The following CHID1 variants were observed in gnomAD, a reference collection of about 807,000 sequenced individuals.
The protein encoded by CHID1 is chitinase domain containing 1, also known as chitinase domain-containing protein 1.
Under a neutral mutation model 55.4 loss-of-function variants are expected in CHID1, and 44 were observed. The observed-to-expected ratio is 0.79, with a 90% confidence interval of 0.62 to 1.02. The LOEUF is 1.02. Among genes scored for constraint, CHID1 ranks in the 50% least tolerant of loss-of-function variants. The pLI is 0.00. For missense variants in CHID1, 491 were observed against 515.3 expected (o/e 0.95, Z 0.46); for synonymous variants, 216 against 212.9 (o/e 1.01, Z -0.13).
intron 10 of CHID1, among the ~76,000 whole-genome samples, chr11:871,664 C>A (rs1204798865): frequency 6.6e-6 from 1 of 152,150 alleles, no homozygotes; most frequent in Non-Finnish European, 1.5e-5. Flanking sequence ...GGAGGCCTGG[C>A]GTGGGGCCTA....
chr11:877,167 G>A (rs1849575676), intron 10 of CHID1, among the ~76,000 whole-genome samples: 1 of 152,156 alleles, frequency 6.6e-6, no homozygotes, highest in South Asian at 2.1e-4. Flanking sequence ...ACCCCCACAC[G>A]CTCACATACA....
chr11:909,268 CTG>C (rs1397426760), intron 1 of CHID1, among the ~76,000 whole-genome samples: 1 of 152,254 alleles, frequency 6.6e-6, no homozygotes, highest in East Asian at 1.9e-4. Context: ...TTCACACACA[CTG>C]TGTTCCTGCA....
intron 4 of CHID1, 89 bp downstream of exon 4, chr11:902,109 T>C (rs745477643): frequency 1.3e-6 from 2 of 1,499,298 alleles, no homozygotes; most frequent in East Asian, 4.6e-5. Context: ...CACAGAGACA[T>C]ACCTACTCAC....
intron 8 of CHID1, among the ~76,000 whole-genome samples, chr11:885,394 G>GA (rs1040093350): frequency 5.3e-5 from 8 of 152,168 alleles, no homozygotes; most frequent in African/African-American, 1.9e-4. Flanking sequence ...TGAGCACAAT[G>GA]AGAGGCCCAG....
At position 893,418 on chromosome 11, in the gene CHID1, G is replaced by A. The variant is rs573439363; in HGVS notation, c.701+9C>T. 2.2e-5 allele frequency: 34 copies of A among 1,547,380 alleles called. No individual in the cohort carries two copies. Among genetic ancestry groups the A allele is most frequent in the South Asian group, 1.3e-4 (11 of 83,792 alleles). On this transcript the variant is annotated intron_variant, in intron 8 of 12. Transcript: ENST00000323578. ...ACAGCCACCCCCACATCTCAAGAGC[G>A]GCACTTACCCGGGGGTGATGGCAGG... is the stretch of plus-strand genomic sequence containing the variant.
intron 6 of CHID1, among the ~76,000 whole-genome samples, chr11:899,614 C>T (rs920239214): frequency 5.3e-5 from 8 of 152,194 alleles, no homozygotes; most frequent in Non-Finnish European, 1.0e-4. Flanking sequence ...CCAGTGGTCT[C>T]GTGCATTCTG....
Position 868,780 on chromosome 11 carries a change from CCT to C in CHID1, c.*1076_*1077del, listed in dbSNP as rs2134090550. The C allele has an allele frequency of 6.6e-6, 1 of 152,448 alleles. No individual in the cohort carries two copies. Among genetic ancestry groups the C allele is most frequent in the South Asian group, 2.1e-4 (1 of 4,812 alleles). 9.4% of individuals were successfully genotyped at this position (152,448 alleles called of 1,614,324 possible). On this transcript the variant is annotated 3_prime_UTR_variant, in exon 13 of 13. Coordinates refer to ENST00000323578, the MANE Select transcript of CHID1 (RefSeq NM_023947.4). ...CTCTAAACCAGAACCCAGTGCCCAC[CCT>C]GTCCTCACCGTCCTCACCCCACGGC...
intron 2 of CHID1, chr11:903,722 G>C (rs911682411): frequency 4.5e-6 from 1 of 221,048 alleles, no homozygotes; most frequent in Non-Finnish European, 9.3e-6. Context: ...CAGAGGTTGC[G>C]GTGAGCCAAG....
chr11:910,897 G>C (rs1481784658), upstream of CHID1: 1 of 1,009,710 alleles, frequency 9.9e-7, no homozygotes, highest in Non-Finnish European at 1.2e-6. Context: ...ATGGAGAGGG[G>C]CTGGGCCAGG....
At chr11:914,741 T>G, upstream of CHID1, 1 of 348,680 alleles carries the variant, frequency 2.9e-6, no homozygotes, top group Non-Finnish European at 5.5e-6. Context: ...AAAAAATTAC[T>G]CACACCTGGT....
intron 7 of CHID1, among the ~76,000 whole-genome samples, chr11:894,044 C>T (rs1451427074): frequency 7.1e-6 from 1 of 141,710 alleles, no homozygotes; most frequent in African/African-American, 2.6e-5. Flanking sequence ...ATTACTTGAA[C>T]CCAGGAGGTG....
intron 5 of CHID1, 129 bp downstream of exon 5, chr11:900,807 G>A (rs1851748592): frequency 5.5e-6 from 4 of 725,616 alleles, no homozygotes; most frequent in Non-Finnish European, 8.8e-6. Context: ...TCATCTCTGA[G>A]CGGTCAAAGT....
chr11:877,328 G>A (rs903263560), intron 10 of CHID1, among the ~76,000 whole-genome samples: 1 of 152,212 alleles, frequency 6.6e-6, no homozygotes, highest in African/African-American at 2.4e-5. Flanking sequence ...GGAGTGCAGT[G>A]CAGTCTCCAC....
intron 9 of CHID1, among the ~76,000 whole-genome samples, chr11:883,560 G>A (rs192721576): frequency 1.3e-5 from 2 of 151,558 alleles, no homozygotes; most frequent in Admixed American, 1.3e-4. Flanking sequence ...CCAGGGCCAG[G>A]ATCACCCATC....
At chr11:907,443 T>C (rs376978075) in intron 1 of CHID1, among the ~76,000 whole-genome samples, 1 of 151,312 alleles carries the variant, frequency 6.6e-6, no homozygotes, top group Admixed American at 6.6e-5. Context: ...ATAGTGCCAG[T>C]GCACTCCAGC....
rs1233258482 is a variant in CHID1 at position 908,572 on chromosome 11, C to T, written c.-44+2203G>A. On this transcript the variant is annotated intron_variant, in intron 1 of 12. Coordinates refer to ENST00000323578, the MANE Select transcript of CHID1 (RefSeq NM_023947.4). Reference sequence around the variant, plus strand: ...CAGGCTGAAACGGTGGCTGCCTCAGCTCCCAGGCACCCAGTCTTTGACCCC... The same window carrying T: ...CAGGCTGAAACGGTGGCTGCCTCAGTTCCCAGGCACCCAGTCTTTGACCCC... 8.1e-6 allele frequency: 8 copies of T among 985,228 alleles called. No individual in the cohort carries two copies. The Admixed American group carries it at 3.7e-4, about 45-fold the overall frequency. The allele number at this position is 985,228 out of a possible 1,614,324, so 61.0% of individuals were successfully genotyped here. A position where few individuals can be genotyped will look rare whatever the true frequency, so the allele number is the denominator to read the frequency against.
At chr11:872,393 A>G (rs574060990) in intron 10 of CHID1, among the ~76,000 whole-genome samples, 5 of 152,280 alleles carry the variant, frequency 3.3e-5, no homozygotes, top group Non-Finnish European at 4.4e-5. Flanking sequence ...CCTGACCTCA[A>G]GTGACTGCCT....
chr11:913,353 C>T (rs1332972108), upstream of CHID1, among the ~76,000 whole-genome samples: 2 of 152,150 alleles, frequency 1.3e-5, no homozygotes, highest in Non-Finnish European at 2.9e-5. Flanking sequence ...ATTCTGTTAT[C>T]AATTCAGACA....
chr11:907,410 G>A, intron 1 of CHID1, among the ~76,000 whole-genome samples: 1 of 152,068 alleles, frequency 6.6e-6, no homozygotes. Context: ...GAATCCAGGA[G>A]GTGGAGTTCG....
Sources: gnomAD v4.1 joint callset for allele counts (sites outside exome capture counted in the v4.1 genomes callset) on GRCh38, gnomAD v4.1.1 for gene constraint, MANE v1.5 for transcripts, NCBI Gene and HGNC (gene_info 2026-07-23, HGNC 2026-07-21) for gene names.